The following CCSER1 variants were observed in gnomAD, a reference collection of about 807,000 sequenced individuals.
The protein encoded by CCSER1 is serine-rich coiled-coil domain-containing protein 1.
CCSER1 carries 41 observed loss-of-function variants against 82.0 expected under a neutral mutation model. The ratio of observed to expected loss-of-function variants is 0.50; its 90% CI spans 0.39 to 0.65. The LOEUF (loss-of-function observed/expected upper bound fraction) is 0.65, where lower values mean the gene tolerates loss of function less well. CCSER1 is among the 30% of genes least tolerant of loss of function. The pLI, the probability that CCSER1 is intolerant of heterozygous loss-of-function variation, is 0.00. For missense variants in CCSER1, 1,119 were observed against 1,064.2 expected (o/e 1.05, Z -0.72); for synonymous variants, 414 against 383.9 (o/e 1.08, Z -0.92).
chr4:91,365,728 G>A (rs1389343662), intron 10 of CCSER1, among the ~76,000 whole-genome samples: 1 of 152,040 alleles, frequency 6.6e-6, no homozygotes, highest in Non-Finnish European at 1.5e-5. Flanking sequence ...TTTGCATAGG[G>A]CCACTTTGTG....
intron 9 of CCSER1, among the ~76,000 whole-genome samples, chr4:90,952,023 G>A (rs1732971631): frequency 6.6e-6 from 1 of 151,616 alleles, no homozygotes; most frequent in South Asian, 2.1e-4. Context: ...AATTTGGGGT[G>A]GAATATTAAG....
intron 9 of CCSER1, among the ~76,000 whole-genome samples, chr4:91,038,099 A>G (rs1047856431): frequency 5.9e-5 from 9 of 152,164 alleles, no homozygotes; most frequent in Non-Finnish European, 1.2e-4. Context: ...CCCTGTCCAC[A>G]AGAGTTTCTT....
At chr4:90,396,532 A>G (rs2153542086) in intron 3 of CCSER1, among the ~76,000 whole-genome samples, 1 of 152,288 alleles carries the variant, frequency 6.6e-6, no homozygotes, top group East Asian at 1.9e-4. Flanking sequence ...CTCAATTTGT[A>G]TTTTTTAAAT....
chr4:91,457,951 G>A (rs1021297115), intron 10 of CCSER1, among the ~76,000 whole-genome samples: 1 of 152,090 alleles, frequency 6.6e-6, no homozygotes, highest in Non-Finnish European at 1.5e-5. Flanking sequence ...GAACTGATGT[G>A]TTATTTTCAA....
rs1391478405 is a variant in CCSER1, at chr4:90,944,151, G to C, written c.2172+20704G>C. Among the ~76,000 whole-genome samples, 5 of 149,410 alleles carry C rather than the reference G, an allele frequency of 3.3e-5. No homozygotes were observed. The East Asian group carries it at 1.0e-3, about 30-fold the overall frequency. On this transcript the variant is annotated intron_variant, in intron 9 of 10. Transcript: ENST00000509176. ...GGGAGGCTGAGGCAGAGAATTGCTT[G>C]AACCCCGGAAGCGGAGGTTGCAGTG...
chr4:91,335,153 G>A (rs1301024021), intron 10 of CCSER1, among the ~76,000 whole-genome samples: 1 of 151,980 alleles, frequency 6.6e-6, no homozygotes, highest in Non-Finnish European at 1.5e-5. Flanking sequence ...TGTTCGTGTT[G>A]TCAGCCAATG....
intron 1 of CCSER1, among the ~76,000 whole-genome samples, chr4:90,198,968 A>T (rs1223503974): frequency 6.6e-6 from 1 of 152,152 alleles, no homozygotes; most frequent in South Asian, 2.1e-4. Context: ...CAACAGACTC[A>T]TCTTTCACTT....
chr4:91,518,827 G>T (rs1023658069), intron 10 of CCSER1, among the ~76,000 whole-genome samples: 2 of 152,184 alleles, frequency 1.3e-5, no homozygotes, highest in African/African-American at 4.8e-5. Flanking sequence ...CCACCAGTGG[G>T]TATGCTCAGC....
chr4:90,558,216 G>A (rs1216972284), intron 5 of CCSER1, among the ~76,000 whole-genome samples: 11 of 152,058 alleles, frequency 7.2e-5, no homozygotes, highest in Non-Finnish European at 1.5e-4. Context: ...TCTTTCTCTA[G>A]CATAGCTGGG....
intron 10 of CCSER1, among the ~76,000 whole-genome samples, chr4:91,331,836 G>A (rs901054002): frequency 1.3e-5 from 2 of 152,090 alleles, no homozygotes; most frequent in African/African-American, 4.8e-5. Flanking sequence ...TCACTAAAGA[G>A]TACTGCTAGG....
intron 10 of CCSER1, among the ~76,000 whole-genome samples, chr4:91,364,632 G>A (rs575058210): frequency 1.6e-3 from 243 of 152,126 alleles, no homozygotes; most frequent in African/African-American, 5.6e-3. Context: ...ATGAGTTACT[G>A]AGTTAATATC....
Position 91,598,703 on chromosome 4 carries a change from T to C in CCSER1, c.2349T>C (p.Cys783=). The C allele has an allele frequency of 6.4e-7, 1 of 1,551,422 alleles. No homozygotes were observed. The highest frequency in any genetic ancestry group is 1.7e-4 in the Middle Eastern group (1 of 5,992). The change falls in exon 11 of 11, where the codon TGT becomes TGC. Residue 783 remains cysteine (C), a synonymous_variant. Coordinates refer to ENST00000509176, the MANE Select transcript of CCSER1 (RefSeq NM_001145065.2). The part of the protein sequence containing the change: ...DQTSPYKNKT[C]QLPSLCLSNF... ...CAAGCCCCTACAAAAACAAGACCTG[T>C]CAACTCCCAAGTCTCTGTTTAAGTA...
intron 6 of CCSER1, among the ~76,000 whole-genome samples, chr4:90,723,200 G>T (rs971191933): frequency 3.3e-5 from 5 of 151,902 alleles, no homozygotes; most frequent in Admixed American, 6.6e-5. Context: ...TTTTAGAAAA[G>T]TAAATTAATG....
intron 10 of CCSER1, among the ~76,000 whole-genome samples, chr4:91,452,603 A>C (rs1206357849): frequency 6.6e-6 from 1 of 152,086 alleles, no homozygotes; most frequent in African/African-American, 2.4e-5. Context: ...AAATAACTGC[A>C]CATTGTCTTC....
chr4:91,083,125 G>T (rs1581510984), intron 9 of CCSER1, among the ~76,000 whole-genome samples: 2 of 152,172 alleles, frequency 1.3e-5, no homozygotes, highest in East Asian at 3.9e-4. Context: ...TGTTTATTGT[G>T]GCACTATTCA....
intron 7 of CCSER1, among the ~76,000 whole-genome samples, chr4:90,798,202 G>C (rs1440258916): frequency 6.6e-6 from 1 of 151,958 alleles, no homozygotes; most frequent in Non-Finnish European, 1.5e-5. Flanking sequence ...ATATTTGTCT[G>C]ACTGCCTTAT....
At chr4:91,217,172 AAAGAGTAAGCAGTAGC>A (rs1463324044) in intron 10 of CCSER1, among the ~76,000 whole-genome samples, 1 of 152,140 alleles carries the variant, frequency 6.6e-6, no homozygotes, top group Non-Finnish European at 1.5e-5. Context: ...GCGTGGACCC[AAAGAGTAAGCAGTAGC>A]AAGAGGGAAA....
chr4:91,325,799 A>C (rs1746517620), intron 10 of CCSER1, among the ~76,000 whole-genome samples: 1 of 152,214 alleles, frequency 6.6e-6, no homozygotes, highest in Non-Finnish European at 1.5e-5. Context: ...CACAACAGAC[A>C]AAGAAAAAAG....
At chr4:90,632,175 TG>T (rs1026074311) in intron 6 of CCSER1, among the ~76,000 whole-genome samples, 10 of 152,168 alleles carry the variant, frequency 6.6e-5, no homozygotes, top group African/African-American at 2.4e-4. Context: ...TAAATTTTTT[TG>T]TGAGGTATCA....
Sources: gnomAD v4.1 joint callset for allele counts (sites outside exome capture counted in the v4.1 genomes callset) on GRCh38, gnomAD v4.1.1 for gene constraint, MANE v1.5 for transcripts, NCBI Gene and HGNC (gene_info 2026-07-23, HGNC 2026-07-21) for gene names.